CNTNAP2: variants seen among roughly 807,000 people sequenced by gnomAD.
CNTNAP2 encodes the protein contactin associated protein 2.
In CNTNAP2, 98 loss-of-function variants were observed where a neutral mutation model predicts 155.2. That is an observed-to-expected ratio of 0.63 (90% confidence interval 0.54 to 0.75). The LOEUF (loss-of-function observed/expected upper bound fraction) is 0.75, where lower values mean the gene tolerates loss of function less well. Ranked by LOEUF, CNTNAP2 falls within the 30% of genes least tolerant of loss-of-function variation. CNTNAP2 has a pLI of 0.00. For missense variants in CNTNAP2, 1,727 were observed against 1,688.1 expected, an observed-to-expected ratio of 1.02 and a Z score of -0.40; for synonymous variants, 651 against 631.2, an observed-to-expected ratio of 1.03 and a Z score of -0.47.
At chr7:148,164,900 G>A (rs532364446) in intron 17 of CNTNAP2, among the ~76,000 whole-genome samples, 10 of 151,540 alleles carry the variant, frequency 6.6e-5, no homozygotes, top group Non-Finnish European at 1.2e-4. Flanking sequence ...CACCTGCCTC[G>A]GTCTCCCAAA....
intron 21 of CNTNAP2, among the ~76,000 whole-genome samples, chr7:148,362,576 T>G (rs1798645917): frequency 6.6e-6 from 1 of 152,204 alleles, no homozygotes. Context: ...TTAAAGGGCA[T>G]AGTGCTAGCC....
chr7:147,639,078 A>C, intron 12 of CNTNAP2, 28 bp from the exon 13 acceptor site: 1 of 1,609,262 alleles, frequency 6.2e-7, no homozygotes, highest in Non-Finnish European at 8.5e-7. Flanking sequence ...CTAATGATCC[A>C]GGGTCCTGGT....
chr7:147,983,406 A>G (rs887458674), intron 15 of CNTNAP2, among the ~76,000 whole-genome samples: 2 of 152,032 alleles, frequency 1.3e-5, no homozygotes, highest in African/African-American at 4.8e-5. Flanking sequence ...GATTCTCTCA[A>G]CATCCCTTAA....
intron 1 of CNTNAP2, among the ~76,000 whole-genome samples, chr7:146,666,536 T>C (rs1800198490): frequency 6.6e-6 from 1 of 152,158 alleles, no homozygotes. Flanking sequence ...TGCTGGATCA[T>C]ATTATAGTTC....
intron 13 of CNTNAP2, among the ~76,000 whole-genome samples, chr7:147,866,374 G>C (rs866966472): frequency 1.3e-5 from 2 of 152,168 alleles, no homozygotes; most frequent in African/African-American, 2.4e-5. Context: ...GTGATGTGGT[G>C]CTGAGAAAAA....
Position 148,348,880 on chromosome 7 carries a change from A to G in CNTNAP2, c.3476-34769A>G, listed in dbSNP as rs78079553. On this transcript the variant is annotated intron_variant, in intron 21 of 23. Coordinates refer to ENST00000361727, the MANE Select transcript of CNTNAP2 (RefSeq NM_014141.6). ...ACCTATATTAGTAAACAGCAATATAATCTTTTCTAATTACAGACACATAAA... is the reference window on the plus strand; with the variant it reads ...ACCTATATTAGTAAACAGCAATATAGTCTTTTCTAATTACAGACACATAAA... Among the ~76,000 whole-genome samples, 213 of 152,366 alleles carry G rather than the reference A, an allele frequency of 1.4e-3. 5 individuals are homozygous for G. In the East Asian group the frequency reaches 0.035, roughly 25 times the overall value.
chr7:147,764,261 A>C (rs972118111), intron 13 of CNTNAP2, among the ~76,000 whole-genome samples: 6 of 152,090 alleles, frequency 3.9e-5, no homozygotes, highest in Non-Finnish European at 7.4e-5. Flanking sequence ...AGGAGGGTCA[A>C]CTGCTCCTCA....
intron 8 of CNTNAP2, among the ~76,000 whole-genome samples, chr7:147,168,345 T>C (rs1403757432): frequency 2.0e-5 from 3 of 152,026 alleles, no homozygotes; most frequent in Middle Eastern, 3.4e-3. Flanking sequence ...CTGATGTTAT[T>C]TTAAGAGCTT....
At chr7:147,443,773 G>A (rs1797683510) in intron 10 of CNTNAP2, among the ~76,000 whole-genome samples, 1 of 152,136 alleles carries the variant, frequency 6.6e-6, no homozygotes, top group Admixed American at 6.5e-5. Flanking sequence ...CCTTTAATAT[G>A]CAATTTCACA....
At chr7:146,832,619 T>C (rs144665811) in intron 2 of CNTNAP2, among the ~76,000 whole-genome samples, 3,535 of 148,142 alleles carry the variant, frequency 0.024, 144 homozygotes, top group African/African-American at 0.08. Context: ...TTATATTTTA[T>C]ATATTATAAA....
chr7:147,715,782 G>A (rs945369793), intron 13 of CNTNAP2, among the ~76,000 whole-genome samples: 1 of 151,930 alleles, frequency 6.6e-6, no homozygotes, highest in Admixed American at 6.6e-5. Flanking sequence ...CCTGTATCTT[G>A]AAGATTTTCT....
intron 2 of CNTNAP2, among the ~76,000 whole-genome samples, chr7:146,833,623 T>C (rs1041899979): frequency 2.6e-5 from 4 of 152,132 alleles, no homozygotes; most frequent in Admixed American, 2.6e-4. Context: ...ATATAATCCA[T>C]ATGTTTAAGT....
chr7:148,148,709 G>A (rs1805241910), intron 17 of CNTNAP2, among the ~76,000 whole-genome samples: 1 of 152,230 alleles, frequency 6.6e-6, no homozygotes, highest in South Asian at 2.1e-4. Flanking sequence ...GTGTTGGGAA[G>A]CTTGAAGAGC....
intron 9 of CNTNAP2, among the ~76,000 whole-genome samples, chr7:147,354,181 G>C (rs1051885020): frequency 7.2e-5 from 11 of 151,854 alleles, no homozygotes; most frequent in Admixed American, 1.3e-4. Context: ...TGCCATTGCT[G>C]TTGGTGTTTT....
intron 1 of CNTNAP2, among the ~76,000 whole-genome samples, chr7:146,463,735 G>A (rs915541355): frequency 6.6e-6 from 1 of 151,672 alleles, no homozygotes; most frequent in Admixed American, 6.6e-5. Flanking sequence ...TATATATATA[G>A]AGTAACTTAA....
At position 147,208,948 on chromosome 7, in the gene CNTNAP2, C is replaced by CA. The variant is rs536243407; in HGVS notation, c.1348+76445dup. 3.1e-3 allele frequency among the ~76,000 whole-genome samples: 470 copies of CA among 151,954 alleles called. 2 individuals are homozygous for CA. The highest frequency in any genetic ancestry group is 0.01 in the African/African-American group (434 of 41,506). On this transcript the variant is annotated intron_variant, in intron 8 of 23. Transcript: ENST00000361727. ...TCATTGCAAATTGCATAGTGCTATA[C>CA]AAAAAATGATTACTAAATTGAAAAG...
intron 15 of CNTNAP2, 41 bp downstream of exon 15, chr7:147,978,030 C>T (rs1801461044): frequency 6.2e-7 from 1 of 1,612,276 alleles, no homozygotes; most frequent in Non-Finnish European, 8.5e-7. Context: ...TTTCTTATCC[C>T]ATTTAAATAT....
chr7:148,361,666 T>C (rs570328823), intron 21 of CNTNAP2, among the ~76,000 whole-genome samples: 1 of 152,310 alleles, frequency 6.6e-6, no homozygotes, highest in African/African-American at 2.4e-5. Context: ...GGGCTTACCT[T>C]AACTAAAGAT....
At chr7:147,029,549 G>GTTTTT (rs11370307) in intron 3 of CNTNAP2, among the ~76,000 whole-genome samples, 1 of 147,600 alleles carries the variant, frequency 6.8e-6, no homozygotes, top group African/African-American at 2.5e-5. Context: ...TGTAAAAAGG[G>GTTTTT]TTTTTTTTTT....
Sources: gnomAD v4.1 joint callset for allele counts (sites outside exome capture counted in the v4.1 genomes callset) on GRCh38, gnomAD v4.1.1 for gene constraint, MANE v1.5 for transcripts, NCBI Gene and HGNC (gene_info 2026-07-23, HGNC 2026-07-21) for gene names.